The following KIF18A variants were observed in gnomAD, a reference collection of about 807,000 sequenced individuals.
KIF18A encodes kinesin-like protein KIF18A.
In KIF18A, 67 loss-of-function variants were observed where a neutral mutation model predicts 103.3. That is an observed-to-expected ratio of 0.65 (90% CI 0.53 to 0.79). The LOEUF (loss-of-function observed/expected upper bound fraction) is 0.79, where lower values mean the gene tolerates loss of function less well. Among genes scored for constraint, KIF18A ranks in the 30% least tolerant of loss-of-function variants. The pLI is 0.00. For missense variants in KIF18A, 1,032 were observed against 1,062.5 expected, an observed-to-expected ratio of 0.97 and a Z score of 0.40; for synonymous variants, 367 against 355.5, an observed-to-expected ratio of 1.03 and a Z score of -0.36.
chr11:28,062,374 T>C (rs779377789), intron 12 of KIF18A, 21 bp downstream of exon 12: 18 of 1,567,912 alleles, frequency 1.1e-5, no homozygotes, highest in Middle Eastern at 3.4e-4. Context: ...AATTGGAAAA[T>C]AGGTAAATGT....
Position 28,088,595 on chromosome 11 carries a change from C to T in KIF18A, c.826G>A (p.Val276Ile). 3.1e-6 allele frequency: 5 copies of T among 1,614,012 alleles called. No individual in the cohort carries two copies. Among genetic ancestry groups the T allele is most frequent in the Non-Finnish European group, 4.2e-6 (5 of 1,179,950 alleles). The change falls in exon 6 of 17, where the codon GTA (valine) becomes ATA (isoleucine). Residue 276 changes from valine (V) to isoleucine (I), a missense_variant. Transcript: ENST00000263181. ...GATCTATTAATATTTGTGCCTTCTACAAATCGGGTCCCCTTAGCACCGGAA... is the reference window on the plus strand; with the variant it reads ...GATCTATTAATATTTGTGCCTTCTATAAATCGGGTCCCCTTAGCACCGGAA... ...STSGAKGTRFVEGTNINRSLL... is the reference protein window; with the variant it reads ...STSGAKGTRFIEGTNINRSLL...
In KIF18A at chr11:28,023,762, G is replaced by T. The variant is rs778788771; in HGVS notation, c.2593C>A (p.Gln865Lys). The change falls in exon 16 of 17, where the codon CAA becomes AAA. Residue 865 changes from glutamine to lysine, a missense_variant. By Grantham distance (53) the Gln-to-Lys change is moderately conservative. Transcript: ENST00000263181. ...ATACCCATTGTTGGTTTGTTTTCTT[G>T]TAAGTGCTTCTCACTTGAATTATCT... is the stretch of plus-strand genomic sequence containing the variant. ...RQDNSSEKHL[Q>K]ENKPTMEHKR... The T allele has an allele frequency of 1.2e-6, 2 of 1,609,004 alleles. No individual in the cohort carries two copies. The highest frequency in any genetic ancestry group is 1.3e-5 in the African/African-American group (1 of 74,934).
chr11:28,080,605 T>C (rs1404431571), intron 9 of KIF18A, among the ~76,000 whole-genome samples: 5 of 152,114 alleles, frequency 3.3e-5, no homozygotes, highest in African/African-American at 7.2e-5. Flanking sequence ...AAGTGTTGTG[T>C]GTGCTCTGAC....
At chr11:28,063,784 T>C (rs192977261) in intron 11 of KIF18A, among the ~76,000 whole-genome samples, 52 of 152,096 alleles carry the variant, frequency 3.4e-4, no homozygotes, top group Admixed American at 1.3e-3. Context: ...AACTTCCTCC[T>C]AGGGACAATT....
Position 28,020,953 on chromosome 11 carries a change from G to C in KIF18A, c.*247C>G, listed in dbSNP as rs1850230599. ...CTGCCACCATGGTAACTTACACTCAGGGATTTTAAAAGGCAACAAATATTT... is the reference window on the plus strand; with the variant it reads ...CTGCCACCATGGTAACTTACACTCACGGATTTTAAAAGGCAACAAATATTT... On this transcript the variant is annotated 3_prime_UTR_variant, in exon 17 of 17. Coordinates refer to ENST00000263181, the MANE Select transcript of KIF18A (RefSeq NM_031217.4). The C allele has an allele frequency of 4.4e-6, 1 of 225,652 alleles. No individual in the cohort carries two copies. The highest frequency in any genetic ancestry group is 5.9e-5 in the Admixed American group (1 of 16,876). 14.0% of individuals were successfully genotyped at this position (225,652 alleles called of 1,614,324 possible).
In KIF18A at chr11:28,097,901, A is replaced by G. The variant is rs1851396252; in HGVS notation, c.47T>C (p.Val16Ala). 1 of 1,603,884 alleles carries G rather than the reference A, an allele frequency of 6.2e-7. No individual in the cohort carries two copies. Among genetic ancestry groups the G allele is most frequent in the Non-Finnish European group, 8.5e-7 (1 of 1,176,174 alleles). The change falls in exon 2 of 17, where the codon GTT becomes GCT. Residue 16 changes from valine (V) to alanine (A), a missense_variant. Val to Ala is a moderately conservative substitution (Grantham distance 64, BLOSUM62 0). Coordinates refer to ENST00000263181, the MANE Select transcript of KIF18A (RefSeq NM_031217.4). ...EDLCHHMKVV[V>A]RVRPENTKEK... ...TTTAGTGTTTTCCGGACGTACACGA[A>G]CTACTACTTTCATATGGTGGCACAG...
At chr11:28,094,584 T>C (rs557959259) in intron 3 of KIF18A, 59 bp downstream of exon 3, 1 of 1,168,964 alleles carries the variant, frequency 8.6e-7, no homozygotes, top group African/African-American at 1.5e-5. Flanking sequence ...TAAAATCATT[T>C]GTATGAATCA....
intron 11 of KIF18A, among the ~76,000 whole-genome samples, chr11:28,067,225 T>C (rs576530584): frequency 1.9e-4 from 29 of 152,252 alleles, no homozygotes; most frequent in African/African-American, 6.5e-4. Context: ...TATTGCAAAA[T>C]ATTACTAGAA....
intron 10 of KIF18A, among the ~76,000 whole-genome samples, chr11:28,073,669 G>A (rs947840566): frequency 2.0e-5 from 3 of 152,128 alleles, no homozygotes; most frequent in African/African-American, 4.8e-5. Flanking sequence ...TTTGAAAAAT[G>A]TCTGGCAAAT....
chr11:28,066,280 G>T (rs900222456), intron 11 of KIF18A, among the ~76,000 whole-genome samples: 2 of 151,956 alleles, frequency 1.3e-5, no homozygotes, highest in African/African-American at 2.4e-5. Context: ...CAATCCAAGA[G>T]AATCAACTCT....
At chr11:28,029,373 A>G (rs1850365156) in intron 15 of KIF18A, among the ~76,000 whole-genome samples, 1 of 152,206 alleles carries the variant, frequency 6.6e-6, no homozygotes, top group South Asian at 2.1e-4. Flanking sequence ...GGCTGGTTCA[A>G]TATACGCAAA....
chr11:28,062,802 T>C (rs568505630), intron 11 of KIF18A, among the ~76,000 whole-genome samples: 1 of 152,118 alleles, frequency 6.6e-6, no homozygotes, highest in South Asian at 2.1e-4. Context: ...GTTGTAAAAA[T>C]ACATAAATAT....
At chr11:28,029,044 A>G (rs1476753257) in intron 15 of KIF18A, among the ~76,000 whole-genome samples, 1 of 152,202 alleles carries the variant, frequency 6.6e-6, no homozygotes, top group Non-Finnish European at 1.5e-5. Context: ...TTAATAGCAT[A>G]CCAACCGAAA....
chr11:28,052,739 G>A (rs1273250526), intron 13 of KIF18A, among the ~76,000 whole-genome samples: 1 of 151,990 alleles, frequency 6.6e-6, no homozygotes, highest in African/African-American at 2.4e-5. Flanking sequence ...GGGTGGTGGA[G>A]TTTGTTTCAT....
chr11:28,027,426 G>A (rs558168782), intron 15 of KIF18A, among the ~76,000 whole-genome samples: 1 of 151,734 alleles, frequency 6.6e-6, no homozygotes, highest in South Asian at 2.1e-4. Flanking sequence ...GGTTTGCAGT[G>A]CTACTCAAAT....
intron 13 of KIF18A, chr11:28,056,795 C>T (rs1590682831): frequency 6.0e-6 from 1 of 166,898 alleles, no homozygotes; most frequent in East Asian, 2.0e-4. Context: ...ACATATTAGC[C>T]CTTCACTCCC....
chr11:28,033,325 T>G (rs866016032), intron 15 of KIF18A, among the ~76,000 whole-genome samples: 1 of 151,346 alleles, frequency 6.6e-6, no homozygotes, highest in Non-Finnish European at 1.5e-5. Flanking sequence ...CTAAAAATAG[T>G]GCTACCATAC....
At chr11:28,032,086 T>C (rs1608871) in intron 15 of KIF18A, among the ~76,000 whole-genome samples, 69,872 of 146,710 alleles carry the variant, frequency 0.48, 17,760 homozygotes, top group Admixed American at 0.57. Context: ...CATATCTATA[T>C]ACAAACACTG....
At position 28,046,577 on chromosome 11, in the gene KIF18A, G is replaced by C. The variant is rs1413165553; in HGVS notation, c.1949-9913C>G. Among the ~76,000 whole-genome samples the C allele has an allele frequency of 3.6e-5, 5 of 140,438 alleles. No individual in the cohort carries two copies. The East Asian group carries it at 1.0e-3, about 29-fold the overall frequency. The allele number at this position is 140,438 out of a possible 152,430, so 92.1% of individuals were successfully genotyped here. On this transcript the variant is annotated intron_variant, in intron 13 of 16. Coordinates refer to ENST00000263181, the MANE Select transcript of KIF18A (RefSeq NM_031217.4). ...AGGGGGAGGGGGGAGGGATAGCATT[G>C]GGAGATATACCTAATGCTAGATGAC...
Sources: gnomAD v4.1 joint callset for allele counts (sites outside exome capture counted in the v4.1 genomes callset) on GRCh38, gnomAD v4.1.1 for gene constraint, MANE v1.5 for transcripts, NCBI Gene and HGNC (gene_info 2026-07-23, HGNC 2026-07-21) for gene names.